AKT3: variants seen among roughly 807,000 people sequenced by gnomAD.
AKT3 encodes the protein RAC-gamma serine/threonine-protein kinase.
A neutral mutation model predicts 65.3 loss-of-function variants in AKT3; 15 were observed. The ratio of observed to expected loss-of-function variants is 0.23; its 90% CI spans 0.15 to 0.35. AKT3 has a LOEUF of 0.35. Among genes scored for constraint, AKT3 ranks in the 10% least tolerant of loss-of-function variants. The pLI is 1.00. For synonymous variants in AKT3, 206 were observed against 183.8 expected (o/e 1.12, Z -0.98); for missense variants, 243 against 576.5 (o/e 0.42, Z 5.92).
intron 13 of AKT3, chr1:243,489,196 A>T: frequency 3.1e-6 from 5 of 1,596,238 alleles, no homozygotes; most frequent in Non-Finnish European, 4.3e-6. Context: ...CTACAGGTGG[A>T]TCTTTTATGC....
intron 13 of AKT3, among the ~76,000 whole-genome samples, chr1:243,511,309 C>T (rs1257145518): frequency 1.3e-5 from 2 of 152,206 alleles, no homozygotes; most frequent in African/African-American, 4.8e-5. Flanking sequence ...TCACAATCCC[C>T]TTGTGGCCAG....
At chr1:243,662,450 G>T (rs1436925242) in intron 4 of AKT3, among the ~76,000 whole-genome samples, 8 of 150,166 alleles carry the variant, frequency 5.3e-5, no homozygotes, top group African/African-American at 9.8e-5. Context: ...GTAAACTATC[G>T]CAAGGACAAA....
intron 2 of AKT3, among the ~76,000 whole-genome samples, chr1:243,781,808 T>C (rs1356719993): frequency 2.6e-5 from 4 of 152,184 alleles, no homozygotes; most frequent in Non-Finnish European, 5.9e-5. Context: ...AAAATTCACA[T>C]GGATTGATGG....
At chr1:243,745,400 ATTAT>A (rs1688419399) in intron 2 of AKT3, among the ~76,000 whole-genome samples, 1 of 152,204 alleles carries the variant, frequency 6.6e-6, no homozygotes, top group Admixed American at 6.5e-5. Context: ...TGATGTCAAA[ATTAT>A]TTATTTTAAA....
chr1:243,780,036 A>C (rs1283498008), intron 2 of AKT3, among the ~76,000 whole-genome samples: 1 of 152,174 alleles, frequency 6.6e-6, no homozygotes, highest in African/African-American at 2.4e-5. Flanking sequence ...GAAAACTACC[A>C]TAAATCATTA....
At chr1:243,775,310 A>T (rs1690479033) in intron 2 of AKT3, among the ~76,000 whole-genome samples, 6 of 152,110 alleles carry the variant, frequency 3.9e-5, no homozygotes, top group Admixed American at 3.9e-4. Flanking sequence ...CCACCCAAGT[A>T]GCTGGGACTA....
intron 2 of AKT3, among the ~76,000 whole-genome samples, chr1:243,758,895 T>A (rs1420731830): frequency 6.6e-6 from 1 of 152,278 alleles, no homozygotes; most frequent in Admixed American, 6.5e-5. Context: ...GGACACCTCA[T>A]CTAGAGTCCT....
chr1:243,849,363 C>T (rs562582457), intron 1 of AKT3, among the ~76,000 whole-genome samples: 148 of 151,820 alleles, frequency 9.7e-4, no homozygotes, highest in Middle Eastern at 6.9e-3. Context: ...CAGACAAGCA[C>T]GTTACCCACC....
rs753382585 is a variant in AKT3, at chr1:243,613,704, C to A, written c.663G>T (p.Leu221Phe). 6.3e-7 allele frequency: 1 copy of A among 1,591,780 alleles called. No individual in the cohort carries two copies. The highest frequency in any genetic ancestry group is 8.6e-7 in the Non-Finnish European group (1 of 1,167,968). ...CATTAACATATTCCATCACAAAACA[C>A]AAACGGTCTTTTGTCTGGAAGGAAT... ...LKYSFQTKDR[L>F]CFVMEYVNGG... is the part of the protein sequence containing the mutation. The change falls in exon 8 of 14, where the codon TTG becomes TTT. Residue 221 changes from leucine to phenylalanine, a missense_variant. By Grantham distance (22) the Leu-to-Phe change is conservative. Transcript: ENST00000673466.
intron 8 of AKT3, among the ~76,000 whole-genome samples, chr1:243,595,824 G>C (rs1572000564): frequency 6.6e-6 from 1 of 152,156 alleles, no homozygotes; most frequent in Middle Eastern, 3.4e-3. Flanking sequence ...CTGTTTTACA[G>C]TTACCTATTT....
At chr1:243,663,889 A>C (rs1253235853) in intron 4 of AKT3, among the ~76,000 whole-genome samples, 1 of 152,112 alleles carries the variant, frequency 6.6e-6, no homozygotes. Context: ...GGTTGTAAAA[A>C]CTGATAGATC....
At chr1:243,780,628 G>C (rs1488278191) in intron 2 of AKT3, among the ~76,000 whole-genome samples, 1 of 151,126 alleles carries the variant, frequency 6.6e-6, no homozygotes, top group African/African-American at 2.4e-5. Flanking sequence ...GAGAAAGAGA[G>C]GGAACAGAGG....
At chr1:243,788,028 T>C (rs1019084080) in intron 2 of AKT3, among the ~76,000 whole-genome samples, 1 of 152,144 alleles carries the variant, frequency 6.6e-6, no homozygotes, top group African/African-American at 2.4e-5. Flanking sequence ...CCCTAATGTA[T>C]GCATTTGAGA....
intron 12 of AKT3, among the ~76,000 whole-genome samples, chr1:243,526,288 T>G (rs1008813194): frequency 6.6e-6 from 1 of 152,138 alleles, no homozygotes; most frequent in Non-Finnish European, 1.5e-5. Flanking sequence ...CGCCTGACCT[T>G]GCTGGTGTGG....
chr1:243,695,811 C>A (rs1050924783), intron 2 of AKT3, 95 bp from the exon 3 acceptor site: 1 of 1,100,952 alleles, frequency 9.1e-7, no homozygotes, highest in Non-Finnish European at 1.2e-6. Context: ...TCCTACAACA[C>A]TGGCCTCCAA....
At chr1:243,730,873 G>A (rs1194281490) in intron 2 of AKT3, among the ~76,000 whole-genome samples, 1 of 152,220 alleles carries the variant, frequency 6.6e-6, no homozygotes, top group African/African-American at 2.4e-5. Context: ...AGCCTGGCAA[G>A]GAGCCGGCAC....
downstream of AKT3, among the ~76,000 whole-genome samples, chr1:243,495,711 G>T (rs1255912532): frequency 6.6e-6 from 1 of 152,210 alleles, no homozygotes; most frequent in Non-Finnish European, 1.5e-5. Context: ...GGGCGGTCCT[G>T]CTCGAAGGCC....
intron 2 of AKT3, among the ~76,000 whole-genome samples, chr1:243,831,792 A>G (rs1361012469): frequency 3.3e-5 from 5 of 152,062 alleles, no homozygotes; most frequent in African/African-American, 4.8e-5. Context: ...TTTCCACCCA[A>G]AACTTCTGAG....
intron 3 of AKT3, among the ~76,000 whole-genome samples, chr1:243,680,642 AG>A (rs955807869): frequency 2.0e-5 from 3 of 152,186 alleles, no homozygotes; most frequent in African/African-American, 7.2e-5. Flanking sequence ...CCAATAATTT[AG>A]CATGTATCAA....
Sources: gnomAD v4.1 joint callset for allele counts (sites outside exome capture counted in the v4.1 genomes callset) on GRCh38, gnomAD v4.1.1 for gene constraint, MANE v1.5 for transcripts, NCBI Gene and HGNC (gene_info 2026-07-23, HGNC 2026-07-21) for gene names.